Variants in AGBL4 observed in about 807,000 individuals in gnomAD.
The protein encoded by AGBL4 is cytosolic carboxypeptidase 6.
Under a neutral mutation model 66.4 loss-of-function variants are expected in AGBL4, and 58 were observed. The ratio of observed to expected loss-of-function variants is 0.87; its 90% CI spans 0.71 to 1.09. AGBL4 has a LOEUF of 1.09. Ranked by LOEUF, AGBL4 falls within the 50% of genes least tolerant of loss-of-function variation. The pLI is 0.00. For missense variants in AGBL4, 579 were observed against 631.0 expected (o/e 0.92, Z 0.88); for synonymous variants, 234 against 222.9 (o/e 1.05, Z -0.44).
At chr1:49,378,048 ATGTCTCCCAACACAAACTTCATGCCT>A (rs1557883371) in intron 3 of AGBL4, among the ~76,000 whole-genome samples, 3 of 141,756 alleles carry the variant, frequency 2.1e-5, no homozygotes, top group Admixed American at 6.8e-5. Flanking sequence ...ACTTCATGCC[ATGTCTCCCAACACAAACTTCATGCCT>A]TGTCTCCCAA....
chr1:49,396,509 G>A (rs974211180), intron 3 of AGBL4, among the ~76,000 whole-genome samples: 2 of 152,124 alleles, frequency 1.3e-5, no homozygotes, highest in Middle Eastern at 3.2e-3. Flanking sequence ...AGGAATTAGT[G>A]TGGGAACTGT....
At chr1:49,875,222 T>C (rs1295561177) in intron 1 of AGBL4, among the ~76,000 whole-genome samples, 2 of 149,860 alleles carry the variant, frequency 1.3e-5, no homozygotes, top group Non-Finnish European at 3.0e-5. Flanking sequence ...TAGTTACATA[T>C]GTATACATAT....
At chr1:49,396,250 A>G (rs960523936) in intron 3 of AGBL4, among the ~76,000 whole-genome samples, 1 of 151,892 alleles carries the variant, frequency 6.6e-6, no homozygotes, top group Non-Finnish European at 1.5e-5. Flanking sequence ...TAAAGGATAG[A>G]TACTAGATGC....
chr1:49,605,965 G>A (rs1161683360), intron 3 of AGBL4, among the ~76,000 whole-genome samples: 1 of 152,020 alleles, frequency 6.6e-6, no homozygotes, highest in Non-Finnish European at 1.5e-5. Flanking sequence ...TTGTCTTCTT[G>A]GCATTCTCTA....
intron 3 of AGBL4, among the ~76,000 whole-genome samples, chr1:49,639,773 A>G (rs1246198616): frequency 1.3e-5 from 2 of 152,196 alleles, no homozygotes; most frequent in Non-Finnish European, 2.9e-5. Context: ...CTGGCCAAAT[A>G]CTGCTTAGTA....
At chr1:49,352,644 G>A (rs1314166182) in intron 3 of AGBL4, among the ~76,000 whole-genome samples, 1 of 152,072 alleles carries the variant, frequency 6.6e-6, no homozygotes, top group Non-Finnish European at 1.5e-5. Flanking sequence ...TTGATCTAGG[G>A]CTGTTTGATA....
At chr1:48,824,411 C>A (rs1036039213) in intron 6 of AGBL4, among the ~76,000 whole-genome samples, 13 of 152,074 alleles carry the variant, frequency 8.5e-5, no homozygotes, top group Non-Finnish European at 2.9e-5. Flanking sequence ...TTAGGAAGAG[C>A]AGTAAGAAAG....
intron 5 of AGBL4, among the ~76,000 whole-genome samples, chr1:49,044,433 G>A (rs1327543330): frequency 1.3e-5 from 2 of 151,726 alleles, no homozygotes; most frequent in African/African-American, 2.4e-5. Context: ...AGGTTGCAGT[G>A]AGCTGTGAGC....
At chr1:49,256,749 A>T (rs1652540284) in intron 3 of AGBL4, among the ~76,000 whole-genome samples, 1 of 152,244 alleles carries the variant, frequency 6.6e-6, no homozygotes, top group Non-Finnish European at 1.5e-5. Context: ...GTAATGTTAT[A>T]GTAATTAAAA....
intron 4 of AGBL4, among the ~76,000 whole-genome samples, chr1:49,179,964 C>T (rs900232154): frequency 2.0e-5 from 3 of 151,810 alleles, no homozygotes; most frequent in South Asian, 2.1e-4. Flanking sequence ...TGCAATGGCG[C>T]GATCTCGGCT....
At chr1:49,516,209 C>G (rs1200824038) in intron 3 of AGBL4, among the ~76,000 whole-genome samples, 2 of 151,690 alleles carry the variant, frequency 1.3e-5, no homozygotes, top group Non-Finnish European at 2.9e-5. Flanking sequence ...AAGGATCTCA[C>G]AATATAATAG....
intron 3 of AGBL4, among the ~76,000 whole-genome samples, chr1:49,385,741 T>G (rs1341158617): frequency 6.6e-6 from 1 of 152,044 alleles, no homozygotes; most frequent in Non-Finnish European, 1.5e-5. Context: ...TAGAAGATTT[T>G]GGGTTTGAAA....
intron 5 of AGBL4, among the ~76,000 whole-genome samples, chr1:48,962,295 G>C (rs916995547): frequency 6.6e-6 from 1 of 152,096 alleles, no homozygotes; most frequent in Non-Finnish European, 1.5e-5. Context: ...CTATTTCACA[G>C]GGTTGTTTAG....
intron 6 of AGBL4, among the ~76,000 whole-genome samples, chr1:48,841,274 G>T (rs1198893116): frequency 6.6e-6 from 1 of 151,958 alleles, no homozygotes; most frequent in Non-Finnish European, 1.5e-5. Flanking sequence ...AATAAAAAAT[G>T]ACATAAAATA....
chr1:48,526,507 C>CAGT, the AGBL4 span, among the ~76,000 whole-genome samples: 1 of 152,140 alleles, frequency 6.6e-6, no homozygotes, highest in Non-Finnish European at 1.5e-5. Flanking sequence ...ACAGCAGTAA[C>CAGT]AGTAGCAGCT....
chr1:49,009,876 T>A (rs1662243974), intron 5 of AGBL4, among the ~76,000 whole-genome samples: 1 of 152,026 alleles, frequency 6.6e-6, no homozygotes, highest in Non-Finnish European at 1.5e-5. Context: ...ATGGGACATA[T>A]CTCAAAATAA....
intron 11 of AGBL4, among the ~76,000 whole-genome samples, chr1:48,579,522 T>G (rs187446548): frequency 6.3e-4 from 96 of 151,316 alleles, no homozygotes; most frequent in Non-Finnish European, 1.1e-3. Context: ...ATTACAGGCA[T>G]GAGCCACTGC....
intron 5 of AGBL4, among the ~76,000 whole-genome samples, chr1:48,873,927 T>C (rs1648950111): frequency 6.6e-6 from 1 of 152,104 alleles, no homozygotes; most frequent in Non-Finnish European, 1.5e-5. Flanking sequence ...GGACGTGTTG[T>C]TCTGGGAGCT....
intron 1 of AGBL4, among the ~76,000 whole-genome samples, chr1:49,883,403 T>G (rs931298941): frequency 9.2e-5 from 14 of 152,128 alleles, no homozygotes; most frequent in African/African-American, 3.4e-4. Flanking sequence ...TTATTGCTTC[T>G]CTGTGTTCCC....
Sources: gnomAD v4.1 joint callset for allele counts (sites outside exome capture counted in the v4.1 genomes callset) on GRCh38, gnomAD v4.1.1 for gene constraint, MANE v1.5 for transcripts, NCBI Gene and HGNC (gene_info 2026-07-23, HGNC 2026-07-21) for gene names.